Variants in GLIS3 observed in about 807,000 individuals in gnomAD.
GLIS3 encodes zinc finger protein GLIS3.
In GLIS3, 53 loss-of-function variants were observed where a neutral mutation model predicts 78.6. That is an observed-to-expected ratio of 0.67 (90% CI 0.54 to 0.85). The LOEUF (loss-of-function observed/expected upper bound fraction) is 0.85, where lower values mean the gene tolerates loss of function less well. Ranked by LOEUF, GLIS3 falls within the 40% of genes least tolerant of loss-of-function variation. The pLI is 0.00. For synonymous variants in GLIS3, 684 were observed against 509.9 expected, an observed-to-expected ratio of 1.34 and a Z score of -4.60; for missense variants, 1,703 against 1,231.1, an observed-to-expected ratio of 1.38 and a Z score of -5.74.
At chr9:4,426,561 A>G in the GLIS3 span, among the ~76,000 whole-genome samples, 3 of 152,236 alleles carry the variant, frequency 2.0e-5, no homozygotes, top group Non-Finnish European at 4.4e-5. Flanking sequence ...AGATTTCTCT[A>G]TAGAGCTTTT....
At chr9:4,078,472 G>C (rs961114979) in intron 4 of GLIS3, among the ~76,000 whole-genome samples, 1 of 152,118 alleles carries the variant, frequency 6.6e-6, no homozygotes, top group Non-Finnish European at 1.5e-5. Context: ...TTCTTGCATG[G>C]CCTCAAGGCT....
chr9:4,455,475 G>C, the GLIS3 span, among the ~76,000 whole-genome samples: 3 of 152,152 alleles, frequency 2.0e-5, no homozygotes, highest in Non-Finnish European at 4.4e-5. Context: ...GGATCAAACA[G>C]ACATAGGATC....
intron 7 of GLIS3, among the ~76,000 whole-genome samples, chr9:3,895,236 G>T (rs1822743473): frequency 1.3e-5 from 2 of 152,192 alleles, no homozygotes. Flanking sequence ...CGATCAACAG[G>T]CTATGAAATA....
At chr9:4,129,840 G>A (rs1335901716) in intron 2 of GLIS3, among the ~76,000 whole-genome samples, 1 of 152,076 alleles carries the variant, frequency 6.6e-6, no homozygotes, top group Non-Finnish European at 1.5e-5. Context: ...GAGTGTGGAG[G>A]ACTCAGAAGA....
chr9:4,184,261 C>G (rs1817575882), intron 2 of GLIS3, among the ~76,000 whole-genome samples: 1 of 152,144 alleles, frequency 6.6e-6, no homozygotes, highest in South Asian at 2.1e-4. Context: ...AACCTAAATT[C>G]AATAGGGAGC....
chr9:4,320,782 C>T (rs1226456419), intron 2 of GLIS3, among the ~76,000 whole-genome samples: 1 of 152,176 alleles, frequency 6.6e-6, no homozygotes, highest in Non-Finnish European at 1.5e-5. Flanking sequence ...ACCATCACCA[C>T]ACTATTCCAA....
chr9:4,350,464 C>G (rs972494227), upstream of GLIS3, among the ~76,000 whole-genome samples: 2 of 152,178 alleles, frequency 1.3e-5, no homozygotes, highest in African/African-American at 2.4e-5. Context: ...TTTCTTTAAA[C>G]TGCATTTTCA....
chr9:3,832,711 G>T (rs1452758307), intron 9 of GLIS3, among the ~76,000 whole-genome samples: 2 of 152,186 alleles, frequency 1.3e-5, no homozygotes, highest in Non-Finnish European at 2.9e-5. Context: ...CTACTAGAAT[G>T]TAATCTCTCC....
chr9:4,007,645 A>C (rs966724038), intron 4 of GLIS3, among the ~76,000 whole-genome samples: 1 of 152,172 alleles, frequency 6.6e-6, no homozygotes, highest in African/African-American at 2.4e-5. Flanking sequence ...TCTGAAAAAG[A>C]AACTGATGAA....
intron 2 of GLIS3, among the ~76,000 whole-genome samples, chr9:4,198,918 T>C (rs372121396): frequency 1.3e-5 from 2 of 152,186 alleles, no homozygotes; most frequent in Non-Finnish European, 2.9e-5. Context: ...TCAGCATTCT[T>C]AAAGAAAAGA....
chr9:4,350,088 C>G (rs555782500), upstream of GLIS3, among the ~76,000 whole-genome samples: 2 of 152,338 alleles, frequency 1.3e-5, no homozygotes, highest in South Asian at 4.1e-4. Context: ...TCAGAGACAG[C>G]TGATAGCAGC....
chr9:4,413,423 G>T, the GLIS3 span, among the ~76,000 whole-genome samples: 8 of 152,018 alleles, frequency 5.3e-5, no homozygotes, highest in Non-Finnish European at 1.0e-4. Context: ...TCAACAGAAG[G>T]GTTTCTATAA....
chr9:4,133,643 G>C (rs1833141997), intron 2 of GLIS3, among the ~76,000 whole-genome samples: 1 of 152,156 alleles, frequency 6.6e-6, no homozygotes, highest in Non-Finnish European at 1.5e-5. Context: ...AGTTACCTCA[G>C]TTTGGAGGAT....
chr9:4,367,858 T>C, the GLIS3 span, among the ~76,000 whole-genome samples: 2 of 152,200 alleles, frequency 1.3e-5, no homozygotes, highest in Non-Finnish European at 2.9e-5. Flanking sequence ...TACCAATTCA[T>C]GTAATCTTCA....
At chr9:4,402,965 G>C in the GLIS3 span, among the ~76,000 whole-genome samples, 2 of 152,010 alleles carry the variant, frequency 1.3e-5, no homozygotes, top group African/African-American at 4.8e-5. Context: ...AGTATGAGAA[G>C]GTTAATAGAA....
chr9:4,467,072 C>T, the GLIS3 span, among the ~76,000 whole-genome samples: 3 of 152,172 alleles, frequency 2.0e-5, no homozygotes, highest in South Asian at 2.1e-4. Flanking sequence ...AAGGTGGCAG[C>T]GAGGCTGGGG....
intron 4 of GLIS3, among the ~76,000 whole-genome samples, chr9:3,939,879 GC>G (rs1331483416): frequency 3.3e-5 from 5 of 152,126 alleles, no homozygotes; most frequent in Admixed American, 2.0e-4. Flanking sequence ...GTAAAATCAG[GC>G]ACTAAAGGAT....
intron 2 of GLIS3, among the ~76,000 whole-genome samples, chr9:4,320,885 G>C (rs576760000): frequency 1.1e-4 from 17 of 152,208 alleles, no homozygotes; most frequent in African/African-American, 4.1e-4. Flanking sequence ...TTACACTGAA[G>C]GCAGGTAAGT....
At chr9:4,219,222 T>C (rs757811443) in intron 2 of GLIS3, among the ~76,000 whole-genome samples, 41 of 152,232 alleles carry the variant, frequency 2.7e-4, no homozygotes, top group Admixed American at 1.6e-3. Context: ...CTGTGACCAC[T>C]GACATAAACG....
Sources: gnomAD v4.1 joint callset for allele counts (sites outside exome capture counted in the v4.1 genomes callset) on GRCh38, gnomAD v4.1.1 for gene constraint, MANE v1.5 for transcripts, NCBI Gene and HGNC (gene_info 2026-07-23, HGNC 2026-07-21) for gene names.